The following MYO9B variants were observed in gnomAD, a reference collection of about 807,000 sequenced individuals.
The protein encoded by MYO9B is unconventional myosin-IXb.
A neutral mutation model predicts 229.5 loss-of-function variants in MYO9B; 71 were observed. The ratio of observed to expected loss-of-function variants is 0.31; its 90% CI spans 0.26 to 0.38. The LOEUF is 0.38. MYO9B is among the 10% of genes least tolerant of loss of function. MYO9B has a pLI of 1.00. For missense variants in MYO9B, 2,255 were observed against 2,920.5 expected (o/e 0.77, Z 5.25); for synonymous variants, 1,185 against 1,235.8 (o/e 0.96, Z 0.86).
At chr19:17,102,626 C>A (rs2057756070) in intron 2 of MYO9B, 69 bp downstream of exon 2, 5 of 1,466,908 alleles carry the variant, frequency 3.4e-6, no homozygotes, top group Non-Finnish European at 4.5e-6. Context: ...TCAGGCCAAG[C>A]TCGGTGGCCC....
At chr19:17,177,286 G>T (rs926866602) in intron 14 of MYO9B, among the ~76,000 whole-genome samples, 134 of 132,816 alleles carry the variant, frequency 1.0e-3, no homozygotes, top group African/African-American at 3.0e-3. Flanking sequence ...TTGTTTGTTG[G>T]TTTTTTTTTT....
chr19:17,081,833 G>A (rs1330310236), intron 1 of MYO9B, among the ~76,000 whole-genome samples: 4 of 145,894 alleles, frequency 2.7e-5, no homozygotes, highest in Non-Finnish European at 4.5e-5. Flanking sequence ...AAAAAAAAGA[G>A]GCGAGGACCC....
At chr19:17,160,514 T>C (rs1037585324) in intron 8 of MYO9B, among the ~76,000 whole-genome samples, 22 of 147,206 alleles carry the variant, frequency 1.5e-4, no homozygotes, top group Non-Finnish European at 3.1e-4. Flanking sequence ...TTTTTTCTTT[T>C]TTTTTTTTTT....
intron 2 of MYO9B, among the ~76,000 whole-genome samples, chr19:17,108,041 C>T (rs1056072728): frequency 6.6e-6 from 1 of 152,140 alleles, no homozygotes; most frequent in Non-Finnish European, 1.5e-5. Context: ...CCCAGATCCG[C>T]GATTGTCCTG....
intron 1 of MYO9B, among the ~76,000 whole-genome samples, chr19:17,076,099 G>GT (rs2057479792): frequency 7.6e-6 from 1 of 131,666 alleles, no homozygotes. Flanking sequence ...GTTCGAGGGC[G>GT]TGGGGGGGGT....
In MYO9B at chr19:17,161,686, C is replaced by G. The variant is rs188441314; in HGVS notation, c.1420-664C>G. On this transcript the variant is annotated intron_variant, in intron 8 of 39. Coordinates refer to ENST00000682292, the MANE Select transcript of MYO9B (RefSeq NM_004145.4). ...CAAAAATTAGCCAGGCATGGTGGTG[C>G]GTGCCTGTAATCCCAGCTACTCAGA... Among the ~76,000 whole-genome samples, 18 of 152,042 alleles carry G rather than the reference C, an allele frequency of 1.2e-4. No individual in the cohort carries two copies. The East Asian group carries it at 3.1e-3, about 26-fold the overall frequency.
At chr19:17,130,714 G>A (rs1040877216) in intron 2 of MYO9B, among the ~76,000 whole-genome samples, 1 of 151,832 alleles carries the variant, frequency 6.6e-6, no homozygotes, top group Non-Finnish European at 1.5e-5. Context: ...AACCTGGGGG[G>A]CGGAGGTTGC....
At chr19:17,106,151 A>G (rs2057791368) in intron 2 of MYO9B, among the ~76,000 whole-genome samples, 1 of 152,100 alleles carries the variant, frequency 6.6e-6, no homozygotes, top group Non-Finnish European at 1.5e-5. Flanking sequence ...GTGCACCACC[A>G]TGCCCGGCTA....
intron 2 of MYO9B, among the ~76,000 whole-genome samples, chr19:17,107,665 G>A (rs2057805304): frequency 6.6e-6 from 1 of 152,224 alleles, no homozygotes; most frequent in Non-Finnish European, 1.5e-5. Flanking sequence ...TCTGGTGGCT[G>A]CAGATGTGCC....
rs753361032 is a variant in MYO9B at position 17,195,158 on chromosome 19, G to A, written c.3731G>A (p.Arg1244Lys). ...TEKTLPSGSP[R>K]PGQLERPTSL... ...AAGACGCTGCCCAGTGGGAGCCCCA[G>A]GCCTGGCCAGTTGGAGCGGCCGACC... The change falls in exon 22 of 40, where the codon AGG becomes AAG. Residue 1244 changes from arginine to lysine, a missense_variant. Transcript: ENST00000682292. This position sits in a 1 kb window ranked among gnomAD's most constrained non-coding sequence, Gnocchi z 4.5. 1.9e-5 allele frequency: 31 copies of A among 1,611,176 alleles called. No homozygotes were observed. The highest frequency in any genetic ancestry group is 2.7e-5 in the African/African-American group (2 of 74,846).
At chr19:17,146,823 C>A (rs2072416923) in intron 3 of MYO9B, among the ~76,000 whole-genome samples, 1 of 152,140 alleles carries the variant, frequency 6.6e-6, no homozygotes, top group Non-Finnish European at 1.5e-5. Flanking sequence ...ACAGGGATCC[C>A]CCACTAACTA....
chr19:17,141,397 C>G (rs1391884386), intron 2 of MYO9B, among the ~76,000 whole-genome samples: 2 of 152,200 alleles, frequency 1.3e-5, no homozygotes, highest in Non-Finnish European at 2.9e-5. Context: ...CGTGTGACTG[C>G]AGGGCGTGCC....
rs1044543100 is a variant in MYO9B at position 17,206,285 on chromosome 19, C to T, written c.5295C>T (p.His1765=). 4.4e-6 allele frequency: 7 copies of T among 1,600,690 alleles called. No homozygotes were observed. Among genetic ancestry groups the T allele is most frequent in the East Asian group, 4.5e-5 (2 of 44,232 alleles). ...TCAAGCTGGAGAACTTCCCCATCCA[C>T]GCCATCACAGGGGTGCTGAAGCAGT... ...AAVKLENFPI[H]AITGVLKQWL... Residue 1765 remains histidine (H), a synonymous_variant, in exon 33 of 40, where the codon CAC becomes CAT. Coordinates refer to ENST00000682292, the MANE Select transcript of MYO9B (RefSeq NM_004145.4).
intron 1 of MYO9B, among the ~76,000 whole-genome samples, chr19:17,077,607 A>G (rs779264672): frequency 2.6e-5 from 4 of 152,146 alleles, no homozygotes; most frequent in Admixed American, 6.5e-5. Flanking sequence ...GCTTTGGTCA[A>G]GTCTCTGTGC....
intron 2 of MYO9B, among the ~76,000 whole-genome samples, chr19:17,135,974 C>G (rs985585238): frequency 6.6e-6 from 1 of 152,148 alleles, no homozygotes; most frequent in African/African-American, 2.4e-5. Flanking sequence ...GAGAGAGACC[C>G]GTTTCCTGCT....
Position 17,163,033 on chromosome 19 carries a change from G to C in MYO9B, c.1582G>C (p.Glu528Gln), listed in dbSNP as rs762895924. 6.2e-7 allele frequency: 1 copy of C among 1,606,348 alleles called. No homozygotes were observed. The highest frequency in any genetic ancestry group is 8.5e-7 in the Non-Finnish European group (1 of 1,176,508). The change falls in exon 10 of 40, where the codon GAG (glutamate) becomes CAG (glutamine). Residue 528 changes from glutamate to glutamine, a missense_variant. Transcript: ENST00000682292. ...GGACATCTTCGGGTTTGAAGACTTC[G>C]AGAGGAACAGCTTTGAGCAGTTCTG... The part of the protein sequence containing the change: ...VLDIFGFEDF[E>Q]RNSFEQFCIN...
Position 17,173,089 on chromosome 19 carries a change from T to C in MYO9B, c.2140+126T>C. The C allele has an allele frequency of 3.4e-6, 4 of 1,160,038 alleles. No homozygotes were observed. The South Asian group carries it at 5.9e-5, about 17-fold the overall frequency. The allele number at this position is 1,160,038 out of a possible 1,614,324, so 71.9% of individuals were successfully genotyped here. ...CATTATGTTGTGCAAACGCCACCTG[T>C]CTACCTGAAGTGTTCCTGTCACCCT... On this transcript the variant is annotated intron_variant, in intron 13 of 39. Transcript: ENST00000682292.
chr19:17,110,897 G>A (rs949521628), intron 2 of MYO9B, among the ~76,000 whole-genome samples: 19 of 152,032 alleles, frequency 1.2e-4, no homozygotes, highest in African/African-American at 4.1e-4. Flanking sequence ...CCTAGGACTC[G>A]TACCCACCTG....
intron 2 of MYO9B, among the ~76,000 whole-genome samples, chr19:17,116,903 A>G (rs1272901169): frequency 6.6e-6 from 1 of 152,156 alleles, no homozygotes; most frequent in Non-Finnish European, 1.5e-5. Context: ...CCTGCCACAT[A>G]AAACAACACA....
Sources: gnomAD v4.1 joint callset for allele counts (sites outside exome capture counted in the v4.1 genomes callset) on GRCh38, gnomAD v4.1.1 for gene constraint, Gnocchi (gnomAD v3.1) non-coding constraint, MANE v1.5 for transcripts, NCBI Gene and HGNC (gene_info 2026-07-23, HGNC 2026-07-21) for gene names.